The following RABEP1 variants were observed in gnomAD, a reference collection of about 807,000 sequenced individuals.
RABEP1 encodes rabaptin, RAB GTPase binding effector protein 1.
A neutral mutation model predicts 123.4 loss-of-function variants in RABEP1; 51 were observed. The observed-to-expected ratio is 0.41, with a 90% CI of 0.33 to 0.52. The LOEUF is 0.52. Among genes scored for constraint, RABEP1 ranks in the 20% least tolerant of loss-of-function variants. RABEP1 has a pLI of 0.16. For synonymous variants in RABEP1, 347 were observed against 355.2 expected (o/e 0.98, Z 0.26); for missense variants, 888 against 996.3 (o/e 0.89, Z 1.46).
Position 5,380,468 on chromosome 17 carries a change from G to A in RABEP1, c.2370+6G>A, listed in dbSNP as rs1911361130. 1 of 1,510,990 alleles carries A rather than the reference G, an allele frequency of 6.6e-7. No homozygotes were observed. Among genetic ancestry groups the A allele is most frequent in the Non-Finnish European group, 9.0e-7 (1 of 1,109,568 alleles). The allele number at this position is 1,510,990 out of a possible 1,614,324, so 93.6% of individuals were successfully genotyped here. A position where few individuals can be genotyped will look rare whatever the true frequency, so the allele number is the denominator to read the frequency against. On this transcript the variant is annotated splice_donor_region_variant and intron_variant, in intron 16 of 17. Transcript: ENST00000537505. ...AGAAAGAGACTGCTGCTAAGGTAGT[G>A]TTTTCATTAGTCATTTAATTTTAAA...
At chr17:5,355,742 CA>C (rs1319752142) in intron 8 of RABEP1, among the ~76,000 whole-genome samples, 2 of 152,120 alleles carry the variant, frequency 1.3e-5, no homozygotes, top group Non-Finnish European at 2.9e-5. Flanking sequence ...CCCATGCTTA[CA>C]GATTGTTTGA....
rs553120401 is a variant in RABEP1, at chr17:5,332,596, A to ATTTTT, written c.367+461_367+465dup. On this transcript the variant is annotated intron_variant, in intron 3 of 17. Transcript: ENST00000537505. ...GTGTAGTTTGGCCATACGTTTTAGAATTTTTTTTTTTTTTTTTTTTTGAGA... is the reference window on the plus strand; with the variant it reads ...GTGTAGTTTGGCCATACGTTTTAGAATTTTTTTTTTTTTTTTTTTTTTTTTTGAGA... Among the ~76,000 whole-genome samples the ATTTTT allele has an allele frequency of 8.6e-3, 915 of 105,812 alleles. 25 individuals are homozygous for ATTTTT. Among genetic ancestry groups the ATTTTT allele is most frequent in the African/African-American group, 0.03 (810 of 27,338 alleles). The allele number at this position is 105,812 out of a possible 152,430, so 69.4% of individuals were successfully genotyped here.
chr17:5,350,415 G>C, intron 6 of RABEP1, 36 bp from the exon 7 acceptor site: 1 of 1,570,346 alleles, frequency 6.4e-7, no homozygotes. Context: ...TTAAAATTCA[G>C]TGTTTTTGAT....
intron 1 of RABEP1, among the ~76,000 whole-genome samples, chr17:5,286,250 C>A (rs939390513): frequency 4.2e-4 from 64 of 152,214 alleles, no homozygotes; most frequent in Admixed American, 3.4e-3. Flanking sequence ...AATCCCAGCA[C>A]TTTGGGAGGC....
chr17:5,336,770 C>T, intron 4 of RABEP1: 1 of 179,060 alleles, frequency 5.6e-6, no homozygotes, highest in Non-Finnish European at 1.2e-5. Flanking sequence ...CTAGCCTTGA[C>T]TGAGATATTT....
chr17:5,359,704 A>G (rs1333411434), intron 8 of RABEP1, among the ~76,000 whole-genome samples: 4 of 152,218 alleles, frequency 2.6e-5, no homozygotes, highest in African/African-American at 4.8e-5. Flanking sequence ...AATAGGTTAC[A>G]TGAGCTTGCC....
intron 8 of RABEP1, among the ~76,000 whole-genome samples, chr17:5,355,804 A>G (rs1202057350): frequency 2.0e-5 from 3 of 152,200 alleles, no homozygotes; most frequent in Non-Finnish European, 4.4e-5. Context: ...AAAGTGCTGT[A>G]TATTGAAGTT....
chr17:5,333,817 A>C (rs1182989041), intron 3 of RABEP1, among the ~76,000 whole-genome samples: 1 of 152,200 alleles, frequency 6.6e-6, no homozygotes. Flanking sequence ...CTCAGCTGAA[A>C]AATAGCTGCT....
intron 11 of RABEP1, among the ~76,000 whole-genome samples, chr17:5,368,059 AT>A (rs545953983): frequency 8.0e-5 from 12 of 150,304 alleles, no homozygotes; most frequent in South Asian, 4.2e-4. Flanking sequence ...ACCCAGCCTG[AT>A]TTTTTTTTTA....
Position 5,373,440 on chromosome 17 carries a change from C to T in RABEP1, c.2011C>T (p.Pro671Ser). 6.2e-7 allele frequency: 1 copy of T among 1,610,180 alleles called. No homozygotes were observed. Among genetic ancestry groups the T allele is most frequent in the Non-Finnish European group, 8.5e-7 (1 of 1,178,900 alleles). Reference protein sequence around the residue: ...SLQQAEDFILPDTTEALRELV... With the variant: ...SLQQAEDFILSDTTEALRELV... ...ACAGCAAGCAGAAGACTTCATCCTCCCAGACACTACAGAGGTAACTTACTT... is the reference window on the plus strand; with the variant it reads ...ACAGCAAGCAGAAGACTTCATCCTCTCAGACACTACAGAGGTAACTTACTT... The change falls in exon 13 of 18, where the codon CCA (proline) becomes TCA (serine). Residue 671 changes from proline (P) to serine (S), a missense_variant. Transcript: ENST00000537505.
At chr17:5,364,047 A>G (rs1225513649) in intron 10 of RABEP1, among the ~76,000 whole-genome samples, 1 of 152,244 alleles carries the variant, frequency 6.6e-6, no homozygotes, top group Non-Finnish European at 1.5e-5. Context: ...TGATGGTTTA[A>G]TATTTTCAAA....
At chr17:5,324,118 G>A (rs1039125983) in intron 2 of RABEP1, among the ~76,000 whole-genome samples, 1 of 151,986 alleles carries the variant, frequency 6.6e-6, no homozygotes, top group South Asian at 2.1e-4. Flanking sequence ...GAAATACCCT[G>A]TATAGCCAAA....
intron 13 of RABEP1, among the ~76,000 whole-genome samples, chr17:5,375,664 C>T (rs527714804): frequency 6.6e-6 from 1 of 152,014 alleles, no homozygotes; most frequent in Admixed American, 6.6e-5. Flanking sequence ...TGAGATCGCG[C>T]CACTGCCCTC....
chr17:5,286,040 G>A (rs1227492511), intron 1 of RABEP1, among the ~76,000 whole-genome samples: 3 of 152,328 alleles, frequency 2.0e-5, no homozygotes, highest in East Asian at 3.9e-4. Flanking sequence ...TAAAGGGCAT[G>A]AGTTCCGAGT....
chr17:5,338,538 G>A (rs1301654960), intron 5 of RABEP1, among the ~76,000 whole-genome samples: 3 of 152,156 alleles, frequency 2.0e-5, no homozygotes, highest in South Asian at 4.1e-4. Context: ...TTTGCACTCC[G>A]GCCTGGGCAA....
intron 10 of RABEP1, 79 bp from the exon 11 acceptor site, chr17:5,365,043 A>T (rs548259366): frequency 9.9e-5 from 82 of 830,840 alleles, no homozygotes; most frequent in South Asian, 3.4e-4. Flanking sequence ...TTTTTTTTTA[A>T]AATTCTGGAG....
intron 1 of RABEP1, among the ~76,000 whole-genome samples, chr17:5,289,485 C>G (rs2075012624): frequency 6.9e-6 from 1 of 143,958 alleles, no homozygotes; most frequent in African/African-American, 2.9e-5. Flanking sequence ...ACCTCCCCAA[C>G]TCTCATGTTT....
chr17:5,307,883 G>C (rs748418276), intron 1 of RABEP1, among the ~76,000 whole-genome samples: 27 of 152,066 alleles, frequency 1.8e-4, no homozygotes, highest in Admixed American at 3.3e-4. Context: ...TCTATGAATG[G>C]GTTTTTGATT....
chr17:5,364,294 A>G (rs1247385877), intron 10 of RABEP1: 2 of 152,340 alleles, frequency 1.3e-5, no homozygotes, highest in Non-Finnish European at 2.9e-5. Flanking sequence ...CAGAGTTAGG[A>G]AAGAAAATGA....
Sources: allele counts gnomAD v4.1 joint callset (sites outside exome capture counted in the v4.1 genomes callset), GRCh38; gene constraint gnomAD v4.1.1; transcripts MANE v1.5; gene names NCBI Gene and HGNC (gene_info 2026-07-23, HGNC 2026-07-21).